Variants in NAV2 observed in about 807,000 individuals in gnomAD.
The protein encoded by NAV2 is neuron navigator 2, also known as helicase, APC down-regulated 1.
In NAV2, 54 loss-of-function variants were observed where a neutral mutation model predicts 223.2. The ratio of observed to expected loss-of-function variants is 0.24; its 90% confidence interval spans 0.19 to 0.30. The LOEUF is 0.30. Ranked by LOEUF, NAV2 falls within the 10% of genes least tolerant of loss-of-function variation. The pLI is 1.00. For synonymous variants in NAV2, 1,279 were observed against 1,239.3 expected (o/e 1.03, Z -0.67); for missense variants, 2,806 against 3,147.5 (o/e 0.89, Z 2.60).
At position 19,384,814 on chromosome 11, in the gene NAV2, T is replaced by TG. The variant is rs1848973432; in HGVS notation, c.75+33789dup. The stretch of plus-strand genomic sequence containing the variant: ...GCTTCTCTGGCTGATACACTCGCCA[T>TG]GGACCTTGCTATCCCTGAGCTGGGA... On this transcript the variant is annotated intron_variant, in intron 1 of 37. Transcript: ENST00000360655. 3 of 152,204 alleles carry TG rather than the reference T, an allele frequency of 2.0e-5. No individual in the cohort carries two copies. In the South Asian group the frequency reaches 6.2e-4, roughly 32 times the overall value. 9.4% of individuals were successfully genotyped at this position (152,204 alleles called of 1,614,324 possible). A position where few individuals can be genotyped will look rare whatever the true frequency, so the allele number is the denominator to read the frequency against.
At chr11:19,631,812 G>A (rs538706338) in intron 1 of NAV2, among the ~76,000 whole-genome samples, 7 of 152,358 alleles carry the variant, frequency 4.6e-5, no homozygotes, top group Admixed American at 6.5e-5. Flanking sequence ...TTTGCAATCC[G>A]AGGGCAAGGA....
At chr11:19,893,584 A>G (rs1015954449) in intron 6 of NAV2, among the ~76,000 whole-genome samples, 1 of 152,188 alleles carries the variant, frequency 6.6e-6, no homozygotes, top group African/African-American at 2.4e-5. Context: ...ATGCAGTGGA[A>G]CTGAGTTCCC....
chr11:19,381,576 G>A (rs1848837928), intron 1 of NAV2, among the ~76,000 whole-genome samples: 1 of 152,164 alleles, frequency 6.6e-6, no homozygotes, highest in Non-Finnish European at 1.5e-5. Flanking sequence ...CACCAAGCTT[G>A]CTGCCCAGGG....
At chr11:20,108,248 G>T (rs1313026203) in intron 36 of NAV2, among the ~76,000 whole-genome samples, 1 of 152,132 alleles carries the variant, frequency 6.6e-6, no homozygotes. Context: ...GAGAATAAAT[G>T]ATGTGCTTAA....
chr11:19,717,870 C>A (rs1380319214), intron 1 of NAV2, among the ~76,000 whole-genome samples: 13 of 152,196 alleles, frequency 8.5e-5, no homozygotes, highest in Non-Finnish European at 1.8e-4. Flanking sequence ...TATTATGCAG[C>A]AACTTTCTTC....
At chr11:19,477,017 C>T (rs202152812) in intron 1 of NAV2, among the ~76,000 whole-genome samples, 1 of 152,178 alleles carries the variant, frequency 6.6e-6, no homozygotes, top group East Asian at 1.9e-4. Flanking sequence ...CACAGCCCCA[C>T]CCTCCATCAT....
chr11:19,733,248 C>G (rs2051978954), intron 1 of NAV2, among the ~76,000 whole-genome samples: 1 of 152,242 alleles, frequency 6.6e-6, no homozygotes, highest in African/African-American at 2.4e-5. Flanking sequence ...GTTGGAGCTT[C>G]TTTCACATCA....
chr11:19,792,172 T>C (rs2057567484), intron 1 of NAV2, among the ~76,000 whole-genome samples: 1 of 152,254 alleles, frequency 6.6e-6, no homozygotes, highest in Non-Finnish European at 1.5e-5. Flanking sequence ...CTTTTCTGCA[T>C]GTCTCTCCAA....
intron 14 of NAV2, among the ~76,000 whole-genome samples, chr11:20,046,234 G>A (rs1198475932): frequency 3.9e-5 from 6 of 151,940 alleles, no homozygotes; most frequent in African/African-American, 1.5e-4. Context: ...TACTCAGGAA[G>A]CTGAGGCAGA....
At chr11:19,894,558 C>T (rs1275700907) in intron 6 of NAV2, among the ~76,000 whole-genome samples, 2 of 152,164 alleles carry the variant, frequency 1.3e-5, no homozygotes, top group African/African-American at 4.8e-5. Context: ...TATGGGTGTG[C>T]CCGCCAATGC....
At chr11:19,979,670 C>T (rs961148762) in intron 10 of NAV2, among the ~76,000 whole-genome samples, 2 of 152,180 alleles carry the variant, frequency 1.3e-5, no homozygotes, top group Admixed American at 6.5e-5. Context: ...GTCTTAGTCC[C>T]TAGTAGGTTT....
chr11:19,661,381 G>T (rs568025873), intron 1 of NAV2, among the ~76,000 whole-genome samples: 2 of 152,146 alleles, frequency 1.3e-5, no homozygotes, highest in South Asian at 4.2e-4. Context: ...CTATATTTTG[G>T]CTATTGTCAG....
At chr11:19,495,951 A>G (rs913087514) in intron 1 of NAV2, among the ~76,000 whole-genome samples, 1 of 152,142 alleles carries the variant, frequency 6.6e-6, no homozygotes, top group African/African-American at 2.4e-5. Flanking sequence ...AGCAGGTCTA[A>G]GGGAGGCTAA....
chr11:19,643,166 T>A (rs1286739306), intron 1 of NAV2, among the ~76,000 whole-genome samples: 3 of 152,184 alleles, frequency 2.0e-5, no homozygotes, highest in Non-Finnish European at 2.9e-5. Context: ...TCTTCTTTTT[T>A]AAAATTTTTT....
At chr11:19,931,633 C>T (rs377220703) in intron 6 of NAV2, 4 of 150,916 alleles carry the variant, frequency 2.7e-5, no homozygotes, top group Admixed American at 1.3e-4. Flanking sequence ...CCGTTAATCC[C>T]GCCAGGCTTC....
chr11:19,657,175 G>A (rs2048151171), intron 1 of NAV2, among the ~76,000 whole-genome samples: 1 of 152,092 alleles, frequency 6.6e-6, no homozygotes, highest in Admixed American at 6.5e-5. Context: ...GGATAGAGAT[G>A]AGTAAGACCA....
intron 22 of NAV2, among the ~76,000 whole-genome samples, chr11:20,075,169 C>T (rs1338475385): frequency 6.6e-6 from 1 of 151,004 alleles, no homozygotes; most frequent in East Asian, 1.9e-4. Flanking sequence ...AAGCATATCT[C>T]TTTATTTTAA....
chr11:19,690,286 C>T (rs2049134590), intron 1 of NAV2, among the ~76,000 whole-genome samples: 1 of 152,158 alleles, frequency 6.6e-6, no homozygotes, highest in African/African-American at 2.4e-5. Flanking sequence ...CTAATATTTT[C>T]CTTTATTCAT....
intron 1 of NAV2, among the ~76,000 whole-genome samples, chr11:19,531,944 T>C (rs1452468444): frequency 6.6e-6 from 1 of 152,090 alleles, no homozygotes; most frequent in Non-Finnish European, 1.5e-5. Flanking sequence ...GTTTCCAGTA[T>C]ATGGATGGTA....
Sources: gnomAD v4.1 joint callset for allele counts (sites outside exome capture counted in the v4.1 genomes callset) on GRCh38, gnomAD v4.1.1 for gene constraint, MANE v1.5 for transcripts, NCBI Gene and HGNC (gene_info 2026-07-23, HGNC 2026-07-21) for gene names.